TMEM117: variants seen among roughly 807,000 people sequenced by gnomAD.
TMEM117 encodes the protein transmembrane protein 117.
A neutral mutation model predicts 52.4 loss-of-function variants in TMEM117; 27 were observed. That is an observed-to-expected ratio of 0.51 (90% confidence interval 0.38 to 0.71). The LOEUF is 0.71. Among genes scored for constraint, TMEM117 ranks in the 30% least tolerant of loss-of-function variants. The pLI is 0.00. For synonymous variants in TMEM117, 215 were observed against 206.3 expected, an observed-to-expected ratio of 1.04 and a Z score of -0.36; for missense variants, 556 against 630.5, an observed-to-expected ratio of 0.88 and a Z score of 1.26.
chr12:44,044,255 G>C (rs1457388928), intron 3 of TMEM117, among the ~76,000 whole-genome samples: 2 of 152,172 alleles, frequency 1.3e-5, no homozygotes. Flanking sequence ...GCCTTTGGCA[G>C]GCCCCCACAG....
At chr12:43,976,260 A>C (rs1945668608) in intron 3 of TMEM117, among the ~76,000 whole-genome samples, 1 of 152,130 alleles carries the variant, frequency 6.6e-6, no homozygotes. Flanking sequence ...TTAATAGTAC[A>C]CTGCAGTATC....
At chr12:43,882,722 GT>G (rs1260894415) in intron 2 of TMEM117, among the ~76,000 whole-genome samples, 1 of 152,134 alleles carries the variant, frequency 6.6e-6, no homozygotes, top group Non-Finnish European at 1.5e-5. Flanking sequence ...AGCTGTGCAT[GT>G]ATGGAAAGGA....
At chr12:44,204,760 C>T (rs1949542530) in intron 4 of TMEM117, among the ~76,000 whole-genome samples, 1 of 152,086 alleles carries the variant, frequency 6.6e-6, no homozygotes, top group Admixed American at 6.6e-5. Context: ...ACACCTACAA[C>T]CATCTGATCT....
chr12:44,165,434 A>G (rs918001184), intron 4 of TMEM117, among the ~76,000 whole-genome samples: 4 of 152,232 alleles, frequency 2.6e-5, no homozygotes, highest in African/African-American at 9.6e-5. Flanking sequence ...GATTGGCTGA[A>G]TGGATGAAAA....
chr12:44,134,419 T>G (rs2062954), intron 3 of TMEM117, among the ~76,000 whole-genome samples: 41,029 of 152,082 alleles, frequency 0.27, 9,995 homozygotes, highest in African/African-American at 0.66. Context: ...GCACTATGTT[T>G]CCCAGGCTTA....
intron 3 of TMEM117, among the ~76,000 whole-genome samples, chr12:44,118,248 A>C (rs1319714650): frequency 6.6e-6 from 1 of 152,192 alleles, no homozygotes. Context: ...TTTTATGTTG[A>C]GATCAACCCC....
chr12:44,232,226 A>C (rs569776522), intron 5 of TMEM117, among the ~76,000 whole-genome samples: 45 of 151,636 alleles, frequency 3.0e-4, no homozygotes, highest in Middle Eastern at 3.4e-3. Flanking sequence ...AGTTATTAAG[A>C]TATTCTTTGT....
intron 3 of TMEM117, among the ~76,000 whole-genome samples, chr12:44,094,328 G>A (rs570866221): frequency 6.6e-5 from 10 of 152,090 alleles, no homozygotes; most frequent in Admixed American, 2.0e-4. Context: ...TGGTTAGAGC[G>A]GCATGCATTT....
At chr12:44,296,080 T>G (rs867778256) in intron 5 of TMEM117, among the ~76,000 whole-genome samples, 6 of 152,312 alleles carry the variant, frequency 3.9e-5, no homozygotes, top group South Asian at 2.1e-4. Flanking sequence ...TTGCTGGTTC[T>G]TACAAGGAGC....
intron 4 of TMEM117, among the ~76,000 whole-genome samples, chr12:44,168,905 A>G (rs903865460): frequency 6.6e-6 from 1 of 152,012 alleles, no homozygotes; most frequent in African/African-American, 2.4e-5. Flanking sequence ...TCTACTTTCC[A>G]TCTCTAGGAA....
the TMEM117 span, chr12:43,805,642 G>A: frequency 1.7e-6 from 1 of 577,380 alleles, no homozygotes; most frequent in Admixed American, 2.3e-5. Context: ...GAGTATCTAG[G>A]AAAAAGATCA....
At chr12:43,937,473 G>A (rs1463899438) in intron 2 of TMEM117, among the ~76,000 whole-genome samples, 2 of 152,174 alleles carry the variant, frequency 1.3e-5, no homozygotes, top group Non-Finnish European at 2.9e-5. Flanking sequence ...TCAGAGTTGG[G>A]TGTTTGCTGG....
chr12:43,817,110 T>C, the TMEM117 span, among the ~76,000 whole-genome samples: 1 of 152,216 alleles, frequency 6.6e-6, no homozygotes, highest in African/African-American at 2.4e-5. Flanking sequence ...CTTCTTAAAA[T>C]AGAAATAAGT....
chr12:44,054,472 A>G (rs905672462), intron 3 of TMEM117, among the ~76,000 whole-genome samples: 12 of 152,206 alleles, frequency 7.9e-5, no homozygotes, highest in Admixed American at 7.9e-4. Context: ...AGTGTTAGTT[A>G]TGATCATTGT....
chr12:44,123,725 A>T (rs552864794), intron 3 of TMEM117, among the ~76,000 whole-genome samples: 46 of 151,984 alleles, frequency 3.0e-4, no homozygotes, highest in Non-Finnish European at 5.7e-4. Context: ...GTGTGGTCTT[A>T]TTTCTGGGTT....
At chr12:44,202,980 A>G (rs750367252) in intron 4 of TMEM117, among the ~76,000 whole-genome samples, 2 of 151,836 alleles carry the variant, frequency 1.3e-5, no homozygotes, top group Non-Finnish European at 2.9e-5. Flanking sequence ...TTTTTAGTAG[A>G]GACAGGGTTT....
At chr12:43,978,823 A>T (rs1369544010) in intron 3 of TMEM117, among the ~76,000 whole-genome samples, 1 of 151,968 alleles carries the variant, frequency 6.6e-6, no homozygotes, top group Non-Finnish European at 1.5e-5. Flanking sequence ...ATATAGGGAG[A>T]TAGTGTTTTA....
intron 5 of TMEM117, among the ~76,000 whole-genome samples, chr12:44,214,123 CA>C (rs1199306742): frequency 3.0e-5 from 4 of 133,952 alleles, no homozygotes; most frequent in Non-Finnish European, 6.4e-5. Context: ...CAATGTCTTA[CA>C]AATTTTTTTT....
the TMEM117 span, among the ~76,000 whole-genome samples, chr12:43,821,091 T>C: frequency 7.3e-6 from 1 of 137,688 alleles, no homozygotes; most frequent in African/African-American, 2.8e-5. Context: ...CAAGACTCCC[T>C]CTCACATTAA....
Sources: allele counts gnomAD v4.1 joint callset (sites outside exome capture counted in the v4.1 genomes callset), GRCh38; gene constraint gnomAD v4.1.1; transcripts MANE v1.5; gene names NCBI Gene and HGNC (gene_info 2026-07-23, HGNC 2026-07-21).